Variants in KCNH5 observed in about 807,000 individuals in gnomAD.
KCNH5 encodes potassium voltage-gated channel subfamily H member 5.
A neutral mutation model predicts 96.1 loss-of-function variants in KCNH5; 46 were observed. That is an observed-to-expected ratio of 0.48 (90% CI 0.38 to 0.61). KCNH5 has a LOEUF of 0.61. Among genes scored for constraint, KCNH5 ranks in the 20% least tolerant of loss-of-function variants. The pLI, the probability that KCNH5 is intolerant of heterozygous loss-of-function variation, is 0.00. For missense variants in KCNH5, 907 were observed against 1,225.8 expected, an observed-to-expected ratio of 0.74 and a Z score of 3.88; for synonymous variants, 439 against 449.8, an observed-to-expected ratio of 0.98 and a Z score of 0.30.
At chr14:62,887,820 C>T (rs1228173870) in intron 7 of KCNH5, among the ~76,000 whole-genome samples, 1 of 152,044 alleles carries the variant, frequency 6.6e-6, no homozygotes, top group East Asian at 1.9e-4. Context: ...AAAAGGTGTT[C>T]TAGTGTTAGC....
intron 8 of KCNH5, among the ~76,000 whole-genome samples, chr14:62,839,978 T>C (rs1887542697): frequency 6.6e-6 from 1 of 152,198 alleles, no homozygotes. Flanking sequence ...GTATTGTATT[T>C]CAAGCATCAT....
At position 62,998,427 on chromosome 14, in the gene KCNH5, C is replaced by A. The variant is rs138394619; in HGVS notation, c.433+2904G>T. Among the ~76,000 whole-genome samples, 952 of 152,278 alleles carry A rather than the reference C, an allele frequency of 6.3e-3. 8 individuals are homozygous for A. Among genetic ancestry groups the A allele is most frequent in the Non-Finnish European group, 8.1e-3 (553 of 68,024 alleles). ...CAGCTTTGGGTTTTTGTGATTTTCT[C>A]TAATGTTGTCCTGTTGCCCAGTTCA... On this transcript the variant is annotated intron_variant, in intron 4 of 10. Transcript: ENST00000322893.
intron 6 of KCNH5, among the ~76,000 whole-genome samples, chr14:62,953,126 A>G (rs902611678): frequency 1.3e-5 from 2 of 151,600 alleles, no homozygotes; most frequent in Non-Finnish European, 2.9e-5. Flanking sequence ...GTAACAAAAT[A>G]TTAGTAAATA....
chr14:62,967,118 T>C (rs1248795603), intron 6 of KCNH5, among the ~76,000 whole-genome samples: 1 of 152,168 alleles, frequency 6.6e-6, no homozygotes, highest in African/African-American at 2.4e-5. Flanking sequence ...ACAAGAGATA[T>C]GCTCATATCT....
At chr14:63,033,680 T>C (rs1428674198) in intron 1 of KCNH5, among the ~76,000 whole-genome samples, 3 of 152,126 alleles carry the variant, frequency 2.0e-5, no homozygotes, top group African/African-American at 7.2e-5. Context: ...ATATATCAAA[T>C]AAAAAATTCT....
chr14:62,847,042 C>T (rs1027393515), intron 8 of KCNH5, among the ~76,000 whole-genome samples: 2 of 149,050 alleles, frequency 1.3e-5, no homozygotes, highest in Admixed American at 6.7e-5. Context: ...CCTCGTGATC[C>T]GCCCACCTCG....
At position 62,706,495 on chromosome 14, in the gene KCNH5, A is replaced by G. The variant is rs1884434991; in HGVS notation, c.*1013T>C. 6.6e-6 allele frequency: 1 copy of G among 152,096 alleles called. No homozygotes were observed. The highest frequency in any genetic ancestry group is 6.5e-5 in the Admixed American group (1 of 15,276). The allele number at this position is 152,096 out of a possible 1,614,324, so 9.4% of individuals were successfully genotyped here. A position where few individuals can be genotyped will look rare whatever the true frequency, so the allele number is the denominator to read the frequency against. On this transcript the variant is annotated 3_prime_UTR_variant, in exon 11 of 11. Transcript: ENST00000322893. ...TCTAAGTTATATACATGCCACAAAAATTTATCTATCTGTTTACATTCTTTT... is the reference window on the plus strand; with the variant it reads ...TCTAAGTTATATACATGCCACAAAAGTTTATCTATCTGTTTACATTCTTTT...
intron 10 of KCNH5, among the ~76,000 whole-genome samples, chr14:62,766,404 T>A (rs539037560): frequency 6.6e-6 from 1 of 152,138 alleles, no homozygotes; most frequent in Non-Finnish European, 1.5e-5. Context: ...CTGTTTACAA[T>A]AGCTAAGAAT....
At chr14:63,019,116 G>A (rs1167245262) in intron 1 of KCNH5, among the ~76,000 whole-genome samples, 5 of 151,352 alleles carry the variant, frequency 3.3e-5, no homozygotes, top group African/African-American at 1.2e-4. Flanking sequence ...AAACAAAAGA[G>A]AGCACACATG....
intron 10 of KCNH5, among the ~76,000 whole-genome samples, chr14:62,743,752 A>G (rs1199488045): frequency 6.6e-6 from 1 of 152,066 alleles, no homozygotes; most frequent in Non-Finnish European, 1.5e-5. Flanking sequence ...AAAGTGTCAT[A>G]TCTCTGGATC....
rs564664797 is a variant in KCNH5, at chr14:62,709,043, A to G, written c.2020-588T>C. 3.3e-5 allele frequency among the ~76,000 whole-genome samples: 5 copies of G among 151,700 alleles called. No individual in the cohort carries two copies. In the East Asian group the frequency reaches 9.8e-4, roughly 30 times the overall value. On this transcript the variant is annotated intron_variant, in intron 10 of 10. Transcript: ENST00000322893. ...GGCGGACCACGAGGTCAGGAGATCG[A>G]GACCACGGTGAAACCCCGTCTCTAC...
At chr14:62,733,635 T>C (rs901964311) in intron 10 of KCNH5, among the ~76,000 whole-genome samples, 1 of 152,180 alleles carries the variant, frequency 6.6e-6, no homozygotes, top group Non-Finnish European at 1.5e-5. Context: ...CATATAACTG[T>C]TTTCTTTCTC....
chr14:63,003,721 G>A (rs1246975512), intron 3 of KCNH5, among the ~76,000 whole-genome samples: 2 of 147,046 alleles, frequency 1.4e-5, no homozygotes, highest in Non-Finnish European at 3.0e-5. Context: ...CTGGGTTCAT[G>A]CCATTCTCCT....
chr14:63,001,362 G>A lies in KCNH5; in HGVS notation c.402C>T (p.Phe134=). The A allele has an allele frequency of 1.2e-6, 2 of 1,610,680 alleles. No homozygotes were observed. Among genetic ancestry groups the A allele is most frequent in the South Asian group, 2.2e-5 (2 of 90,234 alleles). ...FLCTFKDITL[F]KQPIEDDSTK... is the part of the protein sequence containing the mutation. The stretch of plus-strand genomic sequence containing the variant: ...TTGAATCATCCTCTATTGGCTGTTT[G>A]AACAACGTAATATCCTTGAAAGTAC... The change falls in exon 4 of 11, where the codon TTC becomes TTT. Residue 134 remains phenylalanine (F), a synonymous_variant. Coordinates refer to ENST00000322893, the MANE Select transcript of KCNH5 (RefSeq NM_139318.5).
intron 7 of KCNH5, among the ~76,000 whole-genome samples, chr14:62,910,941 A>ACACACACACAC (rs61033705): frequency 5.5e-4 from 78 of 140,880 alleles, no homozygotes; most frequent in South Asian, 1.2e-3. Context: ...ACACACACAC[A>ACACACACACAC]CCCCTCTGTT....
At chr14:62,818,109 CG>C (rs561437417) in intron 8 of KCNH5, among the ~76,000 whole-genome samples, 1,385 of 36,086 alleles carry the variant, frequency 0.038, 36 homozygotes, top group African/African-American at 0.11. Flanking sequence ...GAGCTGGGGG[CG>C]GGGGGGGGGT....
At chr14:62,780,095 A>T (rs971215718) in intron 9 of KCNH5, among the ~76,000 whole-genome samples, 171 bp from the exon 10 acceptor site, 1 of 152,246 alleles carries the variant, frequency 6.6e-6, no homozygotes, top group Non-Finnish European at 1.5e-5. Flanking sequence ...TAATATGTAA[A>T]GTAACATCAC....
chr14:62,948,865 C>A (rs1272918621), intron 7 of KCNH5, among the ~76,000 whole-genome samples: 1 of 146,378 alleles, frequency 6.8e-6, no homozygotes, highest in East Asian at 2.0e-4. Context: ...ATACGCAAAT[C>A]AATAAATGTA....
At position 62,890,906 on chromosome 14, in the gene KCNH5, C is replaced by G. The variant is rs140325527; in HGVS notation, c.1370-41054G>C. On this transcript the variant is annotated intron_variant, in intron 7 of 10. Transcript: ENST00000322893. ...CTATTATTAAAAAGTCAAAAAATAA[C>G]AAATGCTGGCGAGGTTGCAGAGAAA... is the stretch of plus-strand genomic sequence containing the variant. 4.2e-3 allele frequency among the ~76,000 whole-genome samples: 646 copies of G among 152,174 alleles called. 3 individuals carry two copies. Among genetic ancestry groups the G allele is most frequent in the Non-Finnish European group, 7.8e-3 (530 of 67,998 alleles).
Sources: allele counts gnomAD v4.1 joint callset (sites outside exome capture counted in the v4.1 genomes callset), GRCh38; gene constraint gnomAD v4.1.1; transcripts MANE v1.5; gene names NCBI Gene and HGNC (gene_info 2026-07-23, HGNC 2026-07-21).